The following UBE2E2 variants were observed in gnomAD, a reference collection of about 807,000 sequenced individuals.
UBE2E2 encodes the protein ubiquitin conjugating enzyme E2 E2.
In UBE2E2, 6 loss-of-function variants were observed where a neutral mutation model predicts 24.7. That is an observed-to-expected ratio of 0.24 (90% CI 0.13 to 0.48). The LOEUF (loss-of-function observed/expected upper bound fraction) is 0.48. UBE2E2 is among the 20% of genes least tolerant of loss of function. The pLI, the probability that UBE2E2 is intolerant of heterozygous loss-of-function variation, is 0.99. For missense variants in UBE2E2, 169 were observed against 245.0 expected, an observed-to-expected ratio of 0.69 and a Z score of 2.07; for synonymous variants, 104 against 83.6, an observed-to-expected ratio of 1.24 and a Z score of -1.33.
intron 5 of UBE2E2, among the ~76,000 whole-genome samples, chr3:23,539,389 T>C (rs1303283844): frequency 6.6e-6 from 1 of 152,232 alleles, no homozygotes; most frequent in African/African-American, 2.4e-5. Flanking sequence ...TGGTTAAAAC[T>C]AGACTTTACC....
chr3:23,447,034 C>A (rs971429104), intron 3 of UBE2E2, among the ~76,000 whole-genome samples: 1 of 152,160 alleles, frequency 6.6e-6, no homozygotes, highest in Non-Finnish European at 1.5e-5. Context: ...TTTCATTCTC[C>A]CTGCTTTCCT....
chr3:23,475,282 A>C (rs1341088961), intron 3 of UBE2E2, among the ~76,000 whole-genome samples: 1 of 152,106 alleles, frequency 6.6e-6, no homozygotes, highest in Non-Finnish European at 1.5e-5. Context: ...AACAGTTGTG[A>C]GCACTGTTGA....
chr3:23,548,011 C>G (rs747502575), intron 5 of UBE2E2, among the ~76,000 whole-genome samples: 2 of 152,180 alleles, frequency 1.3e-5, no homozygotes, highest in Non-Finnish European at 2.9e-5. Context: ...GAGTGATACT[C>G]TTAAGGTTAG....
chr3:23,459,862 A>G (rs1698770746), intron 3 of UBE2E2, among the ~76,000 whole-genome samples: 1 of 152,160 alleles, frequency 6.6e-6, no homozygotes, highest in South Asian at 2.1e-4. Context: ...GAATTTAAAT[A>G]TTTGTGTTAG....
At chr3:23,451,591 A>G (rs184803505) in intron 3 of UBE2E2, among the ~76,000 whole-genome samples, 85 of 152,354 alleles carry the variant, frequency 5.6e-4, no homozygotes, top group African/African-American at 1.9e-3. Context: ...TCTCTCTGCT[A>G]TCAGTGTAGT....
chr3:23,294,245 A>T lies in UBE2E2; in HGVS notation c.227+76933A>T, dbSNP rs1474311654. Among the ~76,000 whole-genome samples the T allele has an allele frequency of 2.6e-5, 4 of 152,346 alleles. No individual in the cohort carries two copies. In the East Asian group the frequency reaches 5.8e-4, roughly 22 times the overall value. Reference sequence around the variant, plus strand: ...ACGTTATTCATAACAAAGATAGATAAAAAGCAATTCTCACCTAGCCATAAT... The same window carrying T: ...ACGTTATTCATAACAAAGATAGATATAAAGCAATTCTCACCTAGCCATAAT... On this transcript the variant is annotated intron_variant, in intron 3 of 5. Coordinates refer to ENST00000396703, the MANE Select transcript of UBE2E2 (RefSeq NM_152653.4).
intron 3 of UBE2E2, among the ~76,000 whole-genome samples, chr3:23,324,813 G>A (rs1251879960): frequency 6.6e-6 from 1 of 151,694 alleles, no homozygotes; most frequent in Admixed American, 6.6e-5. Context: ...AACCTAAATG[G>A]ATTCTAATTA....
At chr3:23,504,020 C>G (rs7643270) in intron 4 of UBE2E2, among the ~76,000 whole-genome samples, 146 of 151,994 alleles carry the variant, frequency 9.6e-4, no homozygotes, top group Non-Finnish European at 1.8e-3. Context: ...AAAAATTTGC[C>G]TGTAATCTCC....
intron 4 of UBE2E2, among the ~76,000 whole-genome samples, chr3:23,524,997 C>T (rs1694961198): frequency 6.6e-6 from 1 of 152,082 alleles, no homozygotes; most frequent in East Asian, 1.9e-4. Flanking sequence ...GGTCAGAAGA[C>T]TCAAATCAAG....
intron 3 of UBE2E2, among the ~76,000 whole-genome samples, chr3:23,223,976 G>C (rs781162197): frequency 6.6e-6 from 1 of 152,042 alleles, no homozygotes; most frequent in Non-Finnish European, 1.5e-5. Flanking sequence ...ATTTATACCT[G>C]AGTTCTCTCA....
At chr3:23,276,979 C>G (rs1347977859) in intron 3 of UBE2E2, among the ~76,000 whole-genome samples, 1 of 152,042 alleles carries the variant, frequency 6.6e-6, no homozygotes, top group Non-Finnish European at 1.5e-5. Flanking sequence ...AAAATGTGAG[C>G]TAATGTAAGC....
intron 3 of UBE2E2, among the ~76,000 whole-genome samples, chr3:23,489,286 A>C (rs1335557238): frequency 6.6e-6 from 1 of 152,096 alleles, no homozygotes; most frequent in South Asian, 2.1e-4. Flanking sequence ...CATCATGTAG[A>C]ATCAGTGGGA....
At chr3:23,370,065 C>T (rs1041161645) in intron 3 of UBE2E2, among the ~76,000 whole-genome samples, 2 of 152,164 alleles carry the variant, frequency 1.3e-5, no homozygotes, top group South Asian at 2.1e-4. Context: ...GCTATATCAA[C>T]GCAGTCACCA....
chr3:23,315,937 G>C (rs946660484), intron 3 of UBE2E2, among the ~76,000 whole-genome samples: 4 of 152,110 alleles, frequency 2.6e-5, no homozygotes, highest in South Asian at 4.1e-4. Flanking sequence ...ACCTGGCAGA[G>C]ACTCTTGTTT....
At chr3:23,326,721 C>T (rs572802712) in intron 3 of UBE2E2, among the ~76,000 whole-genome samples, 17 of 152,276 alleles carry the variant, frequency 1.1e-4, no homozygotes, top group Non-Finnish European at 2.1e-4. Flanking sequence ...ATGTGCACAA[C>T]GTGCAGGTTT....
At chr3:23,351,893 T>C (rs1467560316) in intron 3 of UBE2E2, among the ~76,000 whole-genome samples, 2 of 152,122 alleles carry the variant, frequency 1.3e-5, no homozygotes, top group African/African-American at 2.4e-5. Context: ...CTAATAGACA[T>C]CTACAGAGCT....
intron 3 of UBE2E2, among the ~76,000 whole-genome samples, chr3:23,264,500 A>G (rs1286125022): frequency 6.6e-6 from 1 of 152,172 alleles, no homozygotes; most frequent in Non-Finnish European, 1.5e-5. Context: ...GATTTCTTCA[A>G]CATCATTCCT....
chr3:23,297,604 A>G (rs1185207995), intron 3 of UBE2E2, among the ~76,000 whole-genome samples: 1 of 152,094 alleles, frequency 6.6e-6, no homozygotes, highest in Non-Finnish European at 1.5e-5. Context: ...AGGTTTGTCA[A>G]AGATCAGACA....
At chr3:23,335,365 A>G (rs1195036356) in intron 3 of UBE2E2, among the ~76,000 whole-genome samples, 1 of 152,150 alleles carries the variant, frequency 6.6e-6, no homozygotes, top group African/African-American at 2.4e-5. Context: ...AAATAAAGAC[A>G]AGTATTTATT....
Sources: allele counts gnomAD v4.1 joint callset (sites outside exome capture counted in the v4.1 genomes callset), GRCh38; gene constraint gnomAD v4.1.1; transcripts MANE v1.5; gene names NCBI Gene and HGNC (gene_info 2026-07-23, HGNC 2026-07-21).